TENM2: variants seen among roughly 807,000 people sequenced by gnomAD.
TENM2 encodes the protein teneurin transmembrane protein 2.
Under a neutral mutation model 245.2 loss-of-function variants are expected in TENM2, and 52 were observed. The observed-to-expected ratio is 0.21, with a 90% CI of 0.17 to 0.27. The LOEUF (loss-of-function observed/expected upper bound fraction) is 0.27. Ranked by LOEUF, TENM2 falls within the 10% of genes least tolerant of loss-of-function variation. TENM2 has a pLI of 1.00. For synonymous variants in TENM2, 1,363 were observed against 1,438.9 expected (o/e 0.95, Z 1.19); for missense variants, 3,046 against 3,666.8 (o/e 0.83, Z 4.37).
In TENM2 at chr5:167,327,080, T is replaced by C. The variant is rs188905615; in HGVS notation, c.226+42017T>C. On this transcript the variant is annotated intron_variant, in intron 1 of 28. Coordinates refer to ENST00000518659, the Ensembl canonical transcript of TENM2. ...AGGGTGCATGTGCACAACATGCAGG[T>C]TTGTTACATATGTATACATGTGCCA... Among the ~76,000 whole-genome samples, 100 of 152,264 alleles carry C rather than the reference T, an allele frequency of 6.6e-4. No homozygotes were observed. The East Asian group carries it at 0.017, about 26-fold the overall frequency.
intron 2 of TENM2, among the ~76,000 whole-genome samples, chr5:167,827,867 T>C (rs559113306): frequency 2.0e-5 from 3 of 152,206 alleles, no homozygotes; most frequent in African/African-American, 4.8e-5. Context: ...TACCATGGAA[T>C]CCCTCTTCCC....
At chr5:167,545,915 G>A (rs1772534203) in intron 2 of TENM2, among the ~76,000 whole-genome samples, 1 of 152,114 alleles carries the variant, frequency 6.6e-6, no homozygotes, top group Non-Finnish European at 1.5e-5. Context: ...GAACAAACTT[G>A]GCAGCATCGT....
chr5:167,871,134 A>G (rs1190278163), intron 2 of TENM2, among the ~76,000 whole-genome samples: 1 of 152,164 alleles, frequency 6.6e-6, no homozygotes, highest in Non-Finnish European at 1.5e-5. Flanking sequence ...AATTAAGACA[A>G]TGGGAGTGAG....
At chr5:167,098,204 G>A in the TENM2 span, among the ~76,000 whole-genome samples, 2 of 152,170 alleles carry the variant, frequency 1.3e-5, no homozygotes, top group African/African-American at 2.4e-5. Context: ...TAACATGTGT[G>A]TATAGCTGTA....
chr5:167,827,860 C>A (rs1768119569), intron 2 of TENM2, among the ~76,000 whole-genome samples: 1 of 152,018 alleles, frequency 6.6e-6, no homozygotes, highest in South Asian at 2.1e-4. Context: ...TTGAACTTAC[C>A]ATGGAATCCC....
intron 3 of TENM2, among the ~76,000 whole-genome samples, chr5:167,894,138 G>A (rs1455632098): frequency 2.6e-5 from 4 of 152,098 alleles, no homozygotes; most frequent in Non-Finnish European, 5.9e-5. Context: ...TTGTATCTTT[G>A]TTACCCAGTA....
chr5:167,387,070 T>C (rs551157830), intron 2 of TENM2, among the ~76,000 whole-genome samples: 10 of 152,276 alleles, frequency 6.6e-5, no homozygotes, highest in Non-Finnish European at 7.4e-5. Context: ...TGATGGGAAT[T>C]GCATTGAATT....
chr5:167,568,482 A>G (rs900789569), intron 2 of TENM2, among the ~76,000 whole-genome samples: 1 of 152,074 alleles, frequency 6.6e-6, no homozygotes. Flanking sequence ...ATAGCAGTGA[A>G]CAACAACAAC....
intron 2 of TENM2, among the ~76,000 whole-genome samples, chr5:167,659,571 GTTTT>G (rs1429751416): frequency 6.6e-6 from 1 of 152,048 alleles, no homozygotes; most frequent in Non-Finnish European, 1.5e-5. Context: ...AACACTATTC[GTTTT>G]ATTTCAGGCA....
intron 2 of TENM2, among the ~76,000 whole-genome samples, chr5:167,810,714 A>C (rs1201894483): frequency 6.6e-6 from 1 of 152,158 alleles, no homozygotes; most frequent in East Asian, 1.9e-4. Context: ...GCTTGTATCC[A>C]AGTGCAACAA....
At chr5:167,842,124 C>A (rs991463433) in intron 2 of TENM2, among the ~76,000 whole-genome samples, 1 of 152,068 alleles carries the variant, frequency 6.6e-6, no homozygotes, top group African/African-American at 2.4e-5. Context: ...CATCTTGCTG[C>A]CATCTCAGAC....
At chr5:167,658,271 C>T (rs1221128927) in intron 2 of TENM2, among the ~76,000 whole-genome samples, 1 of 150,558 alleles carries the variant, frequency 6.6e-6, no homozygotes, top group Non-Finnish European at 1.5e-5. Context: ...GTGTAATGCA[C>T]AATCTTGGGT....
At chr5:167,229,064 T>C in the TENM2 span, among the ~76,000 whole-genome samples, 2 of 152,222 alleles carry the variant, frequency 1.3e-5, no homozygotes, top group Admixed American at 1.3e-4. Context: ...GTATCTGTTG[T>C]GTTCATTGGG....
the TENM2 span, among the ~76,000 whole-genome samples, chr5:166,986,700 G>A: frequency 6.6e-6 from 1 of 152,150 alleles, no homozygotes; most frequent in Non-Finnish European, 1.5e-5. Flanking sequence ...CATGTTTTAA[G>A]AACTGGGGCA....
chr5:167,972,166 C>T (rs1041697017), intron 4 of TENM2, among the ~76,000 whole-genome samples: 2 of 152,178 alleles, frequency 1.3e-5, no homozygotes, highest in Admixed American at 6.5e-5. Context: ...AAATATTCAA[C>T]ACATAGACAG....
the TENM2 span, among the ~76,000 whole-genome samples, chr5:167,067,824 T>G: frequency 3.3e-5 from 5 of 152,150 alleles, no homozygotes; most frequent in African/African-American, 9.7e-5. Flanking sequence ...TTTTGAAATA[T>G]TTTTCTCCCA....
chr5:166,982,321 A>T, the TENM2 span, among the ~76,000 whole-genome samples: 1 of 152,146 alleles, frequency 6.6e-6, no homozygotes, highest in East Asian at 1.9e-4. Flanking sequence ...TTATTATGCT[A>T]TAGCTACTGA....
intron 2 of TENM2, among the ~76,000 whole-genome samples, chr5:167,730,147 CT>C (rs1295245765): frequency 6.6e-6 from 1 of 152,202 alleles, no homozygotes; most frequent in Admixed American, 6.5e-5. Flanking sequence ...CTACTGATAG[CT>C]GTTCCTGCAG....
chr5:167,343,845 A>G (rs1197818858), intron 1 of TENM2, among the ~76,000 whole-genome samples: 8 of 152,174 alleles, frequency 5.3e-5, no homozygotes, highest in Non-Finnish European at 1.0e-4. Context: ...ATGTCATACC[A>G]TAGTGAAAGG....
Sources: allele counts gnomAD v4.1 joint callset (sites outside exome capture counted in the v4.1 genomes callset), GRCh38; gene constraint gnomAD v4.1.1; transcripts MANE v1.5; gene names NCBI Gene and HGNC (gene_info 2026-07-23, HGNC 2026-07-21).